C2CD2: variants seen among roughly 807,000 people sequenced by gnomAD.
C2CD2 encodes the protein C2 domain-containing protein 2.
A neutral mutation model predicts 74.3 loss-of-function variants in C2CD2; 43 were observed. That is an observed-to-expected ratio of 0.58 (90% CI 0.45 to 0.75). The LOEUF is 0.75. Among genes scored for constraint, C2CD2 ranks in the 30% least tolerant of loss-of-function variants. The pLI is 0.00. For synonymous variants in C2CD2, 422 were observed against 390.7 expected (o/e 1.08, Z -0.94); for missense variants, 801 against 916.3 (o/e 0.87, Z 1.63).
At position 41,926,344 on chromosome 21, in the gene C2CD2, T is replaced by C; in HGVS notation, c.379-4259A>G. ...ATAAGTGACAGAGTGTTTTTCGGAGTGGGGGGCTATTCACGGTAAGTCAGG... is the reference window on the plus strand; with the variant it reads ...ATAAGTGACAGAGTGTTTTTCGGAGCGGGGGGCTATTCACGGTAAGTCAGG... On this transcript the variant is annotated intron_variant, in intron 2 of 13. Transcript: ENST00000380486. The surrounding 1 kb of genome is among the most constrained non-coding windows in gnomAD (Gnocchi z 8.0). The C allele has an allele frequency of 1.9e-6, 1 of 530,970 alleles. No individual in the cohort carries two copies. The highest frequency in any genetic ancestry group is 2.4e-6 in the Non-Finnish European group (1 of 415,140). The allele number at this position is 530,970 out of a possible 1,614,324, so 32.9% of individuals were successfully genotyped here. A position where few individuals can be genotyped will look rare whatever the true frequency, so the allele number is the denominator to read the frequency against.
intron 11 of C2CD2, among the ~76,000 whole-genome samples, chr21:41,904,147 G>A (rs940368389): frequency 6.6e-6 from 1 of 152,170 alleles, no homozygotes; most frequent in Non-Finnish European, 1.5e-5. Context: ...AAACCAAGAC[G>A]GCAATGAGAG....
At chr21:41,943,855 C>T (rs2065375992) in intron 1 of C2CD2, among the ~76,000 whole-genome samples, 1 of 152,200 alleles carries the variant, frequency 6.6e-6, no homozygotes, top group Non-Finnish European at 1.5e-5. Context: ...AAATGTACTG[C>T]TCGAGAGGGC....
chr21:41,910,358 G>A (rs868302313), intron 7 of C2CD2, among the ~76,000 whole-genome samples: 19 of 152,100 alleles, frequency 1.2e-4, no homozygotes, highest in Non-Finnish European at 2.4e-4. Context: ...TTTGCACGCC[G>A]TGTGATTATT....
At position 41,907,600 on chromosome 21, in the gene C2CD2, A is replaced by G. The variant is rs575728567; in HGVS notation, c.1143+60T>C. 3.4e-5 allele frequency: 54 copies of G among 1,568,866 alleles called. No individual in the cohort carries two copies. In the Admixed American group the frequency reaches 3.9e-4, roughly 11 times the overall value. ...TGAGACTCTGCAGACATAAGTGAAGACGCTCCTTGGGTAAGTGCCCCAAGC... is the reference window on the plus strand; with the variant it reads ...TGAGACTCTGCAGACATAAGTGAAGGCGCTCCTTGGGTAAGTGCCCCAAGC... On this transcript the variant is annotated intron_variant, in intron 9 of 13. Coordinates refer to ENST00000380486, the MANE Select transcript of C2CD2 (RefSeq NM_015500.2).
rs528610743 is a variant in C2CD2, at chr21:41,928,785, G to A, written c.379-6700C>T. Among the ~76,000 whole-genome samples the A allele has an allele frequency of 1.6e-3, 239 of 152,136 alleles. 1 individual carries two copies. The highest frequency in any genetic ancestry group is 5.4e-3 in the African/African-American group (224 of 41,488). On this transcript the variant is annotated intron_variant, in intron 2 of 13. Transcript: ENST00000380486. ...ACCACACACACCCAGGGCGAGTTAT[G>A]GGTTTCCCCTAGAGAGGATATGGAA...
intron 1 of C2CD2, among the ~76,000 whole-genome samples, chr21:41,943,735 C>T (rs1301969888): frequency 1.3e-5 from 2 of 152,216 alleles, no homozygotes; most frequent in South Asian, 2.1e-4. Flanking sequence ...TCAAGAATGC[C>T]CAATGACCCG....
At chr21:41,934,096 A>C (rs2065286344) in intron 2 of C2CD2, among the ~76,000 whole-genome samples, 1 of 152,168 alleles carries the variant, frequency 6.6e-6, no homozygotes, top group Non-Finnish European at 1.5e-5. Context: ...AATGACCATG[A>C]ACTATTTCTG....
At chr21:41,889,754 T>C (rs975299760) in intron 13 of C2CD2, among the ~76,000 whole-genome samples, 2 of 152,040 alleles carry the variant, frequency 1.3e-5, no homozygotes, top group African/African-American at 4.8e-5. Flanking sequence ...TGCCTCAGCC[T>C]CCCAAATAGC....
chr21:41,907,801 C>T lies in C2CD2; in HGVS notation c.1019-17G>A, dbSNP rs2064981895. The T allele has an allele frequency of 6.2e-7, 1 of 1,613,766 alleles. No individual in the cohort carries two copies. Among genetic ancestry groups the T allele is most frequent in the South Asian group, 1.1e-5 (1 of 91,076 alleles). On this transcript the variant is annotated splice_polypyrimidine_tract_variant and intron_variant, in intron 8 of 13. Transcript: ENST00000380486. ...CCAGCAGACCTGAAAAGATAGGAGA[C>T]AGGCAAGGGGTGCCGCTGATGTTTC...
intron 1 of C2CD2, among the ~76,000 whole-genome samples, chr21:41,950,177 T>C (rs1485318980): frequency 3.3e-5 from 5 of 151,508 alleles, no homozygotes; most frequent in African/African-American, 4.9e-5. Context: ...GGAACTCTGA[T>C]GGATGGCAAG....
chr21:41,912,576 C>T (rs931964023), intron 6 of C2CD2, 136 bp from the exon 7 acceptor site: 56 of 385,854 alleles, frequency 1.5e-4, no homozygotes, highest in Admixed American at 2.3e-4. Flanking sequence ...CTGCAACCTC[C>T]GCCTCCCAGG....
chr21:41,953,046 GC>G (rs915827089), intron 1 of C2CD2: 1 of 315,094 alleles, frequency 3.2e-6, no homozygotes, highest in Non-Finnish European at 5.8e-6. Context: ...ACGGGAATTC[GC>G]CCCGGGACTC....
At chr21:41,947,415 C>T (rs548559957) in intron 1 of C2CD2, among the ~76,000 whole-genome samples, 1 of 152,138 alleles carries the variant, frequency 6.6e-6, no homozygotes, top group South Asian at 2.1e-4. Flanking sequence ...CCTCAGTCTC[C>T]CAAAGTGCTG....
chr21:41,942,341 G>A (rs2065361780), intron 1 of C2CD2, 96 bp from the exon 2 acceptor site: 1 of 915,100 alleles, frequency 1.1e-6, no homozygotes, highest in South Asian at 1.6e-5. Context: ...TTAAGAAAAT[G>A]TACTAACACA....
Position 41,953,865 on chromosome 21 carries a change from C to A in C2CD2, c.-217G>T, listed in dbSNP as rs2065471796. The A allele has an allele frequency of 3.7e-6, 1 of 270,046 alleles. No individual in the cohort carries two copies. The highest frequency in any genetic ancestry group is 6.7e-6 in the Non-Finnish European group (1 of 149,856). 16.7% of individuals were successfully genotyped at this position (270,046 alleles called of 1,614,324 possible). On this transcript the variant is annotated 5_prime_UTR_variant, in exon 1 of 14. Transcript: ENST00000380486. ...CGGCCCGGGCTGGGCGCAAGCCCCG[C>A]ACACCTGCGGAACAGGGGCGCGAGC...
chr21:41,933,989 G>A (rs1052672476), intron 2 of C2CD2, among the ~76,000 whole-genome samples: 7 of 152,236 alleles, frequency 4.6e-5, no homozygotes, highest in East Asian at 3.9e-4. Context: ...AAAAGCTTCC[G>A]AGAACACTGT....
In C2CD2 at chr21:41,888,736, C is replaced by G. The variant is rs997433994; in HGVS notation, c.*388G>C. The G allele has an allele frequency of 4.3e-6, 1 of 231,844 alleles. No homozygotes were observed. The highest frequency in any genetic ancestry group is 2.2e-5 in the African/African-American group (1 of 44,840). The allele number at this position is 231,844 out of a possible 1,614,324, so 14.4% of individuals were successfully genotyped here. ...TTTGTGACATGGTCCAGGCATGGAC[C>G]CAAAACAACACTTGTTAGTGTAGAA... On this transcript the variant is annotated 3_prime_UTR_variant, in exon 14 of 14. Coordinates refer to ENST00000380486, the MANE Select transcript of C2CD2 (RefSeq NM_015500.2).
Position 41,889,141 on chromosome 21 carries a change from CG to C in C2CD2, c.2073del (p.Val692TrpfsTer8), listed in dbSNP as rs1569050203. The C allele has an allele frequency of 6.2e-7, 1 of 1,612,110 alleles. No individual in the cohort carries two copies. Among genetic ancestry groups the C allele is most frequent in the Non-Finnish European group, 8.5e-7 (1 of 1,179,882 alleles). ...HRNKNTMNGA[P>X]VEPCT ...CTCAGGCCCTACGTGCAGGGCTCCA[CG>C]GGGGCACCGTTCATGGTGTTCTTGT... On this transcript the variant is annotated frameshift_variant, in exon 14 of 14. Transcript: ENST00000380486. LOFTEE classifies it high-confidence loss of function.
intron 2 of C2CD2, among the ~76,000 whole-genome samples, chr21:41,937,338 C>T (rs796351488): frequency 7.5e-5 from 11 of 145,714 alleles, no homozygotes; most frequent in African/African-American, 2.8e-4. Context: ...AGGCTGGTCT[C>T]GAACTCCTGA....
Sources: allele counts gnomAD v4.1 joint callset (sites outside exome capture counted in the v4.1 genomes callset), GRCh38; gene constraint gnomAD v4.1.1; non-coding constraint Gnocchi (gnomAD v3.1); transcripts MANE v1.5; gene names NCBI Gene and HGNC (gene_info 2026-07-23, HGNC 2026-07-21).